The following CCSER2 variants were observed in gnomAD, a reference collection of about 807,000 sequenced individuals.
CCSER2 encodes coiled-coil serine rich protein 2.
A neutral mutation model predicts 92.3 loss-of-function variants in CCSER2; 46 were observed. The ratio of observed to expected loss-of-function variants is 0.50; its 90% confidence interval spans 0.39 to 0.64. The LOEUF (loss-of-function observed/expected upper bound fraction) is 0.64. CCSER2 is among the 30% of genes least tolerant of loss of function. The pLI is 0.00. For synonymous variants in CCSER2, 433 were observed against 431.4 expected (o/e 1.00, Z -0.04); for missense variants, 1,244 against 1,238.9 (o/e 1.00, Z -0.06).
At chr10:84,467,560 C>T (rs1846522366) in intron 7 of CCSER2, among the ~76,000 whole-genome samples, 1 of 151,990 alleles carries the variant, frequency 6.6e-6, no homozygotes, top group Non-Finnish European at 1.5e-5. Flanking sequence ...AGCTCAGAAA[C>T]CAATACCCCA....
intron 1 of CCSER2, among the ~76,000 whole-genome samples, chr10:84,338,319 CA>C (rs1843963409): frequency 6.7e-6 from 1 of 149,704 alleles, no homozygotes; most frequent in African/African-American, 2.5e-5. Flanking sequence ...AAAAAAACCC[CA>C]AAAACAACAA....
At chr10:84,503,803 T>C (rs1427958298) in intron 9 of CCSER2, among the ~76,000 whole-genome samples, 1 of 152,198 alleles carries the variant, frequency 6.6e-6, no homozygotes, top group African/African-American at 2.4e-5. Flanking sequence ...CAATAAAAAT[T>C]ACATAAATGC....
intron 1 of CCSER2, among the ~76,000 whole-genome samples, chr10:84,360,876 C>G (rs1011303004): frequency 6.6e-6 from 1 of 152,216 alleles, no homozygotes; most frequent in Non-Finnish European, 1.5e-5. Context: ...CACATATTAT[C>G]ATAATTACTT....
At chr10:84,340,147 C>CTT (rs1844093591) in intron 1 of CCSER2, among the ~76,000 whole-genome samples, 1 of 152,166 alleles carries the variant, frequency 6.6e-6, no homozygotes, top group Non-Finnish European at 1.5e-5. Context: ...CTGGCCATCA[C>CTT]TTTATCTTTT....
chr10:84,452,937 A>G (rs546702528), intron 6 of CCSER2, among the ~76,000 whole-genome samples: 1 of 151,664 alleles, frequency 6.6e-6, no homozygotes, highest in Admixed American at 6.6e-5. Flanking sequence ...AGTTATTAGG[A>G]GGGTGGTTAT....
intron 6 of CCSER2, among the ~76,000 whole-genome samples, chr10:84,452,765 A>T (rs888025585): frequency 7.9e-5 from 12 of 152,204 alleles, no homozygotes; most frequent in African/African-American, 2.9e-4. Flanking sequence ...TGAAAATTGA[A>T]TGCATGAAGT....
intron 9 of CCSER2, among the ~76,000 whole-genome samples, chr10:84,484,206 G>A (rs1488547481): frequency 6.6e-6 from 1 of 151,490 alleles, no homozygotes; most frequent in Non-Finnish European, 1.5e-5. Context: ...TCTATCTCCT[G>A]ATCTCGTGAT....
intron 3 of CCSER2, among the ~76,000 whole-genome samples, chr10:84,403,126 C>T (rs766445798): frequency 2.4e-4 from 36 of 151,840 alleles, no homozygotes; most frequent in Non-Finnish European, 2.8e-4. Context: ...ATCAATGGAA[C>T]GGAATAGAGA....
chr10:84,488,993 T>C (rs568099386), intron 9 of CCSER2, among the ~76,000 whole-genome samples: 1 of 152,364 alleles, frequency 6.6e-6, no homozygotes, highest in Admixed American at 6.5e-5. Flanking sequence ...CATTTCGTTA[T>C]GTACCCAGTA....
intron 9 of CCSER2, among the ~76,000 whole-genome samples, chr10:84,485,175 A>G (rs1217566022): frequency 6.6e-6 from 1 of 152,208 alleles, no homozygotes; most frequent in African/African-American, 2.4e-5. Flanking sequence ...ATTTTACATA[A>G]TTGTAGTACA....
At chr10:84,487,129 C>G (rs530024133) in intron 9 of CCSER2, among the ~76,000 whole-genome samples, 1 of 152,252 alleles carries the variant, frequency 6.6e-6, no homozygotes, top group South Asian at 2.1e-4. Context: ...CAGTACCATG[C>G]TGTTTTGGTT....
At chr10:84,457,990 G>T (rs987153122) in intron 6 of CCSER2, among the ~76,000 whole-genome samples, 1 of 151,704 alleles carries the variant, frequency 6.6e-6, no homozygotes, top group Non-Finnish European at 1.5e-5. Context: ...CAGGTGATCC[G>T]CCTGCTTCGG....
intron 1 of CCSER2, among the ~76,000 whole-genome samples, chr10:84,355,159 G>C (rs1029487236): frequency 6.6e-6 from 1 of 151,916 alleles, no homozygotes; most frequent in African/African-American, 2.4e-5. Context: ...ATTCAGGTCA[G>C]ATCTTTTTTT....
chr10:84,436,417 C>T (rs967946124), intron 5 of CCSER2, among the ~76,000 whole-genome samples: 1 of 147,676 alleles, frequency 6.8e-6, no homozygotes, highest in African/African-American at 2.5e-5. Flanking sequence ...GGGCGGATCA[C>T]GAGGTCAGGA....
intron 3 of CCSER2, chr10:84,391,926 C>G: frequency 7.4e-7 from 1 of 1,345,878 alleles, no homozygotes; most frequent in Admixed American, 1.7e-5. Flanking sequence ...ATCTCAGAGA[C>G]ACATTCGGTG....
intron 9 of CCSER2, among the ~76,000 whole-genome samples, chr10:84,486,301 T>C (rs1449646488): frequency 1.3e-5 from 2 of 152,232 alleles, no homozygotes; most frequent in Non-Finnish European, 1.5e-5. Flanking sequence ...TAGTTCTAGA[T>C]CCTTGAGGAA....
Position 84,360,365 on chromosome 10 carries a change from T to G in CCSER2, c.-39-10649T>G, listed in dbSNP as rs377512723. 6.6e-5 allele frequency among the ~76,000 whole-genome samples: 10 copies of G among 152,334 alleles called. No individual in the cohort carries two copies. The East Asian group carries it at 1.3e-3, about 21-fold the overall frequency. ...TTCTATAAAGAAGATTTTCCATCAA[T>G]TTTTTGGTTACTTTGAAATACAAGA... On this transcript the variant is annotated intron_variant, in intron 1 of 9. Transcript: ENST00000372088.
chr10:84,494,754 C>T (rs1202579438), intron 9 of CCSER2, among the ~76,000 whole-genome samples: 2 of 152,158 alleles, frequency 1.3e-5, no homozygotes, highest in African/African-American at 2.4e-5. Context: ...ATTCATAACT[C>T]TGAGTCCTGA....
intron 9 of CCSER2, among the ~76,000 whole-genome samples, chr10:84,487,369 C>T (rs148991689): frequency 1.4e-4 from 22 of 152,298 alleles, no homozygotes; most frequent in Middle Eastern, 3.4e-3. Flanking sequence ...ATTCTTCCTA[C>T]CCATGAGCGT....
Sources: allele counts gnomAD v4.1 joint callset (sites outside exome capture counted in the v4.1 genomes callset), GRCh38; gene constraint gnomAD v4.1.1; transcripts MANE v1.5; gene names NCBI Gene and HGNC (gene_info 2026-07-23, HGNC 2026-07-21).